Variants in PPT2 observed in about 807,000 individuals in gnomAD.
The protein encoded by PPT2 is lysosomal thioesterase PPT2.
In PPT2, 20 loss-of-function variants were observed where a neutral mutation model predicts 37.3. The observed-to-expected ratio is 0.54, with a 90% CI of 0.38 to 0.78. The LOEUF (loss-of-function observed/expected upper bound fraction) is 0.78. Among genes scored for constraint, PPT2 ranks in the 30% least tolerant of loss-of-function variants. PPT2 has a pLI of 0.00. For missense variants in PPT2, 270 were observed against 389.8 expected (o/e 0.69, Z 2.59); for synonymous variants, 135 against 159.1 (o/e 0.85, Z 1.14).
At chr6:32,153,820 G>T (rs1783520265), upstream of PPT2, 1 of 1,037,074 alleles carries the variant, frequency 9.6e-7, no homozygotes, top group Non-Finnish European at 1.4e-6. This position sits in a 1 kb window ranked among gnomAD's most constrained non-coding sequence, Gnocchi z 4.4. Flanking sequence ...TTCGTGTTCT[G>T]CTGCGGAGCC....
chr6:32,159,449 A>AT (rs1383259147), intron 7 of PPT2, among the ~76,000 whole-genome samples: 2 of 126,136 alleles, frequency 1.6e-5, no homozygotes, highest in South Asian at 2.7e-4. Context: ...AAAAAAAAAA[A>AT]AAATATATAT....
chr6:32,153,868 G>A, upstream of PPT2: 1 of 1,121,076 alleles, frequency 8.9e-7, no homozygotes, highest in South Asian at 1.8e-5. This position sits in a 1 kb window ranked among gnomAD's most constrained non-coding sequence, Gnocchi z 4.4. Context: ...ATCAAGGCGG[G>A]GAAATCGGAC....
chr6:32,155,572 CTGTGTGTG>C lies in PPT2; in HGVS notation c.338-114_338-107del, dbSNP rs564006022. The C allele has an allele frequency of 6.1e-6, 5 of 819,412 alleles. No individual in the cohort carries two copies. The African/African-American group carries it at 1.0e-4, about 17-fold the overall frequency. 50.8% of individuals were successfully genotyped at this position (819,412 alleles called of 1,614,324 possible). A position where few individuals can be genotyped will look rare whatever the true frequency, so the allele number is the denominator to read the frequency against. On this transcript the variant is annotated intron_variant, in intron 3 of 8. Coordinates refer to ENST00000324816, the MANE Select transcript of PPT2 (RefSeq NM_005155.7). This position sits in a 1 kb window ranked among gnomAD's most constrained non-coding sequence, Gnocchi z 4.3. ...AGTCTCCTTTGTGTACAGTGTGTGT[CTGTGTGTG>C]TCTCTGTGTGTGTGTGTGTGTGTGT...
At position 32,154,949 on chromosome 6, in the gene PPT2, G is replaced by A; in HGVS notation, c.184-81G>A. On this transcript the variant is annotated intron_variant, in intron 2 of 8. Coordinates refer to ENST00000324816, the MANE Select transcript of PPT2 (RefSeq NM_005155.7). The surrounding 1 kb of genome is among the most constrained non-coding windows in gnomAD (Gnocchi z 7.3). ...TCCCTGGTTCTAGCAGGGTACAATA[G>A]ACCTGTGGACGCGGGCCAGGGGGTG... The A allele has an allele frequency of 6.3e-7, 1 of 1,589,488 alleles. No homozygotes were observed.
chr6:32,159,433 C>CAAAAAAAAAAA lies in PPT2; in HGVS notation c.710+1518_710+1528dup, dbSNP rs1214191656. Among the ~76,000 whole-genome samples the CAAAAAAAAAAA allele has an allele frequency of 4.7e-3, 105 of 22,174 alleles. 11 individuals carry two copies. Among genetic ancestry groups the CAAAAAAAAAAA allele is most frequent in the African/African-American group, 9.7e-3 (45 of 4,646 alleles). The allele number at this position is 22,174 out of a possible 152,430, so 14.5% of individuals were successfully genotyped here. On this transcript the variant is annotated intron_variant, in intron 7 of 8. Transcript: ENST00000324816. ...GGGCAACAAGAGCGAAACTCCATCT[C>CAAAAAAAAAAA]AAAAAAAAAAAAAAAAAAATATATA...
Position 32,162,058 on chromosome 6 carries a change from G to A in PPT2, c.711-510G>A, listed in dbSNP as rs1166189131. Among the ~76,000 whole-genome samples, 3 of 152,096 alleles carry A rather than the reference G, an allele frequency of 2.0e-5. No homozygotes were observed. The highest frequency in any genetic ancestry group is 1.9e-4 in the East Asian group (1 of 5,178). On this transcript the variant is annotated intron_variant, in intron 7 of 8. Coordinates refer to ENST00000324816, the MANE Select transcript of PPT2 (RefSeq NM_005155.7). The surrounding 1 kb of genome is among the most constrained non-coding windows in gnomAD (Gnocchi z 5.5). ...ATGGGGTTTCTACAGAAGTGAGGTC[G>A]TATCTTCAGTGTATCACCTCATGAA...
chr6:32,161,820 AT>A (rs1249857300), intron 7 of PPT2, among the ~76,000 whole-genome samples: 2 of 144,116 alleles, frequency 1.4e-5, no homozygotes, highest in African/African-American at 5.2e-5. Flanking sequence ...CTGACCTCAG[AT>A]GATCCACCCT....
chr6:32,162,936 C>T lies in PPT2; in HGVS notation c.895C>T (p.Pro299Ser). 1 of 1,613,448 alleles carries T rather than the reference C, an allele frequency of 6.2e-7. No individual in the cohort carries two copies. The highest frequency in any genetic ancestry group is 8.5e-7 in the Non-Finnish European group (1 of 1,179,746). ...TACCCTTTATGAGACCTGCATTGAA[C>T]CTTGGCTCTCCTGAGGATATATTCA... is the stretch of plus-strand genomic sequence containing the variant. ...NRTLYETCIE[P>S]WLS The change falls in exon 9 of 9, where the codon CCT (proline) becomes TCT (serine). Residue 299 changes from proline to serine, a missense_variant. Transcript: ENST00000324816. The surrounding 1 kb of genome is among the most constrained non-coding windows in gnomAD (Gnocchi z 5.5).
upstream of PPT2, chr6:32,153,670 G>C: frequency 6.3e-7 from 1 of 1,586,182 alleles, no homozygotes; most frequent in South Asian, 1.2e-5. This position sits in a 1 kb window ranked among gnomAD's most constrained non-coding sequence, Gnocchi z 4.4. Flanking sequence ...CTGGAGGGTG[G>C]GGTGGGGTGG....
chr6:32,154,696 G>T lies in PPT2; in HGVS notation c.102G>T (p.Ala34=). 6.2e-7 allele frequency: 1 copy of T among 1,613,068 alleles called. No individual in the cohort carries two copies. The highest frequency in any genetic ancestry group is 8.5e-7 in the Non-Finnish European group (1 of 1,180,004). ...TTGCAGCCCCCGCGCCCCACCGCGC[G>T]TCCTACAAGCCGGTCATCGTGGTGC... ...LLLAAPAPHR[A]SYKPVIVVHG... is the part of the protein sequence containing the mutation. The change falls in exon 2 of 9, where the codon GCG becomes GCT. Residue 34 remains alanine (A), a synonymous_variant. Transcript: ENST00000324816. The surrounding 1 kb of genome is among the most constrained non-coding windows in gnomAD (Gnocchi z 7.3).
chr6:32,163,114 A>C lies in PPT2; in HGVS notation c.*164A>C. On this transcript the variant is annotated 3_prime_UTR_variant, in exon 9 of 9. Transcript: ENST00000324816. Reference sequence around the variant, plus strand: ...TTTAGTAGAGACTTGGCCTCCCAGAACCCCCTTCCTCTGCTCCTCCATGAA... The same window carrying C: ...TTTAGTAGAGACTTGGCCTCCCAGACCCCCCTTCCTCTGCTCCTCCATGAA... 1.3e-6 allele frequency: 1 copy of C among 744,038 alleles called. No individual in the cohort carries two copies. Among genetic ancestry groups the C allele is most frequent in the Non-Finnish European group, 2.1e-6 (1 of 470,554 alleles). The allele number at this position is 744,038 out of a possible 1,614,324, so 46.1% of individuals were successfully genotyped here. A position where few individuals can be genotyped will look rare whatever the true frequency, so the allele number is the denominator to read the frequency against.
In PPT2 at chr6:32,162,459, A is replaced by G; in HGVS notation, c.711-109A>G. ...GGTCTTGAACTCCTGGCCTCAGGTG[A>G]TTTGCCCTCCTTGGCCTCCCAAAGT... On this transcript the variant is annotated intron_variant, in intron 7 of 8. Transcript: ENST00000324816. The surrounding 1 kb of genome is among the most constrained non-coding windows in gnomAD (Gnocchi z 5.5). The G allele has an allele frequency of 9.0e-7, 1 of 1,111,550 alleles. No homozygotes were observed. Among genetic ancestry groups the G allele is most frequent in the South Asian group, 1.3e-5 (1 of 78,920 alleles). The allele number at this position is 1,111,550 out of a possible 1,614,324, so 68.9% of individuals were successfully genotyped here.
rs150293010 is a variant in PPT2, at chr6:32,162,613, G to A, written c.756G>A (p.Glu252=). The change falls in exon 8 of 9, where the codon GAG becomes GAA. Residue 252 remains glutamate, a synonymous_variant. Transcript: ENST00000324816. This position sits in a 1 kb window ranked among gnomAD's most constrained non-coding sequence, Gnocchi z 5.5. ...YDANETVLEM[E]EQLVYLRDSF... ...CAAATGAGACCGTCCTGGAGATGGA[G>A]GAGCAACTGGTGAGCCCCCTGGGAT... is the stretch of plus-strand genomic sequence containing the variant. 733 of 1,609,004 alleles carry A rather than the reference G, an allele frequency of 4.6e-4. 1 individual carries two copies. Among genetic ancestry groups the A allele is most frequent in the Admixed American group, 5.2e-4 (31 of 60,008 alleles).
At chr6:32,161,773 A>G (rs3130345) in intron 7 of PPT2, among the ~76,000 whole-genome samples, 17 of 132,588 alleles carry the variant, frequency 1.3e-4, no homozygotes, top group Middle Eastern at 5.6e-3. Context: ...TAGTAGAGAC[A>G]GGGTTTCTCC....
chr6:32,158,148 C>T, intron 7 of PPT2: 1 of 470,322 alleles, frequency 2.1e-6, no homozygotes, highest in Non-Finnish European at 3.8e-6. Context: ...ATCCCTATCA[C>T]CCCCTCCCCC....
Position 32,154,191 on chromosome 6 carries a change from TC to T in PPT2, c.-220del. 5.4e-6 allele frequency: 6 copies of T among 1,118,954 alleles called. No homozygotes were observed. Among genetic ancestry groups the T allele is most frequent in the Non-Finnish European group, 6.6e-6 (6 of 914,232 alleles). 69.3% of individuals were successfully genotyped at this position (1,118,954 alleles called of 1,614,324 possible). A position where few individuals can be genotyped will look rare whatever the true frequency, so the allele number is the denominator to read the frequency against. ...CACCCTTCCCCCCGCCACCGTGGGT[TC>T]CAGACTTGGGATAAGTAAACAGCGG... On this transcript the variant is annotated 5_prime_UTR_variant, in exon 1 of 9. Transcript: ENST00000324816. This position sits in a 1 kb window ranked among gnomAD's most constrained non-coding sequence, Gnocchi z 7.3.
chr6:32,162,748 A>C lies in PPT2; in HGVS notation c.766-59A>C. On this transcript the variant is annotated intron_variant, in intron 8 of 8. Transcript: ENST00000324816. This position sits in a 1 kb window ranked among gnomAD's most constrained non-coding sequence, Gnocchi z 5.5. ...AGGTCCAGGATCCCAGCAGTAACTCACTTTGTCTCTCCTTGTGTCTCTCTT... is the reference window on the plus strand; with the variant it reads ...AGGTCCAGGATCCCAGCAGTAACTCCCTTTGTCTCTCCTTGTGTCTCTCTT... The C allele has an allele frequency of 1.3e-6, 2 of 1,598,128 alleles. No individual in the cohort carries two copies. The highest frequency in any genetic ancestry group is 1.7e-6 in the Non-Finnish European group (2 of 1,166,788).
Position 32,154,911 on chromosome 6 carries a change from T to C in PPT2, c.184-119T>C. 1.3e-6 allele frequency: 2 copies of C among 1,531,938 alleles called. No homozygotes were observed. Among genetic ancestry groups the C allele is most frequent in the Non-Finnish European group, 1.8e-6 (2 of 1,123,074 alleles). The allele number at this position is 1,531,938 out of a possible 1,614,324, so 94.9% of individuals were successfully genotyped here. Reference sequence around the variant, plus strand: ...GAGCTGGTGCTGGCGTGGGGGAGAGTTGGGGGACGGGATCCCTGGTTCTAG... The same window carrying C: ...GAGCTGGTGCTGGCGTGGGGGAGAGCTGGGGGACGGGATCCCTGGTTCTAG... On this transcript the variant is annotated intron_variant, in intron 2 of 8. Transcript: ENST00000324816. This position sits in a 1 kb window ranked among gnomAD's most constrained non-coding sequence, Gnocchi z 7.3.
intron 5 of PPT2, chr6:32,157,269 G>T: frequency 3.4e-6 from 1 of 294,308 alleles, no homozygotes; most frequent in Non-Finnish European, 6.5e-6. Context: ...CTCCCAGGAT[G>T]GAGTGCAGTG....
Sources: allele counts gnomAD v4.1 joint callset (sites outside exome capture counted in the v4.1 genomes callset), GRCh38; gene constraint gnomAD v4.1.1; non-coding constraint Gnocchi (gnomAD v3.1); transcripts MANE v1.5; gene names NCBI Gene and HGNC (gene_info 2026-07-23, HGNC 2026-07-21).